The following DOCK11 variants were observed in gnomAD, a reference collection of about 807,000 sequenced individuals.
The protein encoded by DOCK11 is dedicator of cytokinesis protein 11.
A neutral mutation model predicts 169.1 loss-of-function variants in DOCK11; 70 were observed. The ratio of observed to expected loss-of-function variants is 0.41; its 90% CI spans 0.34 to 0.51. DOCK11 has a LOEUF of 0.51. DOCK11 is among the 20% of genes least tolerant of loss of function. DOCK11 has a pLI of 0.10. For missense variants in DOCK11, 1,166 were observed against 1,538.8 expected (o/e 0.76, Z 4.05); for synonymous variants, 529 against 541.3 (o/e 0.98, Z 0.32).
chrX:118,513,122 C>G (rs1322156681), intron 1 of DOCK11, among the ~76,000 whole-genome samples: 2 of 111,868 alleles, frequency 1.8e-5, no homozygotes, highest in African/African-American at 3.2e-5. Flanking sequence ...GCCCTGGGAA[C>G]CATTGTTTGA....
chrX:118,598,174 T>C, intron 22 of DOCK11, 58 bp downstream of exon 22: 1 of 889,148 alleles, frequency 1.1e-6, no homozygotes, highest in Non-Finnish European at 1.6e-6. Flanking sequence ...TTGATTAAAA[T>C]AGACCACATT....
At chrX:118,630,270 T>A (rs1603135341) in intron 34 of DOCK11, 109 bp from the exon 35 acceptor site, 2 of 469,041 alleles carry the variant, frequency 4.3e-6, no homozygotes, top group East Asian at 6.8e-5. Context: ...AAATTTAGAT[T>A]TATGTTTAGA....
chrX:118,653,214 T>C (rs1392149698), intron 42 of DOCK11, among the ~76,000 whole-genome samples: 1 of 111,902 alleles, frequency 8.9e-6, no homozygotes, highest in Non-Finnish European at 1.9e-5. Flanking sequence ...GGAAATCTTT[T>C]TCTTTTCCAT....
At position 118,608,241 on chromosome X, in the gene DOCK11, G is replaced by A; in HGVS notation, c.2762G>A (p.Arg921Gln). The A allele has an allele frequency of 8.3e-7, 1 of 1,204,272 alleles. No individual in the cohort carries two copies. The highest frequency in any genetic ancestry group is 1.8e-5 in the South Asian group (1 of 55,818). Residue 921 changes from arginine (R) to glutamine (Q), a missense_variant, in exon 26 of 53, where the codon CGA (arginine) becomes CAA (glutamine). Coordinates refer to ENST00000276202, the MANE Select transcript of DOCK11 (RefSeq NM_144658.4). ...TTTGTTTATTTGTAGTATAGCTTCC[G>A]ACCTGAAAAACCGAGTGCTCCTCAG... is the stretch of plus-strand genomic sequence containing the variant. ...YLRSFIKYSF[R>Q]PEKPSAPQAQ... is the part of the protein sequence containing the mutation.
intron 21 of DOCK11, 46 bp from the exon 22 acceptor site, chrX:118,597,984 C>A: frequency 5.2e-6 from 5 of 970,806 alleles, no homozygotes; most frequent in Non-Finnish European, 7.1e-6. Context: ...ATATGTTATT[C>A]ATCTATCCAT....
intron 7 of DOCK11, among the ~76,000 whole-genome samples, chrX:118,564,077 C>T (rs2012996723): frequency 9.0e-6 from 1 of 111,477 alleles, no homozygotes; most frequent in East Asian, 2.8e-4. Flanking sequence ...AAGGTTTTGC[C>T]GGGAATCCTT....
chrX:118,684,521 G>A (rs1006159028), intron 52 of DOCK11, among the ~76,000 whole-genome samples: 11 of 109,668 alleles, frequency 1.0e-4, no homozygotes, highest in African/African-American at 3.6e-4. Flanking sequence ...TAATCCACCC[G>A]CCTCGGCCTC....
At chrX:118,625,930 G>A (rs1603130950) in intron 32 of DOCK11, among the ~76,000 whole-genome samples, 1 of 110,840 alleles carries the variant, frequency 9.0e-6, no homozygotes, top group Admixed American at 9.6e-5. Flanking sequence ...CTATCCACTG[G>A]TCTTACTTTT....
intron 1 of DOCK11, among the ~76,000 whole-genome samples, chrX:118,504,938 C>G (rs1170603197): frequency 8.9e-6 from 1 of 112,697 alleles, no homozygotes; most frequent in African/African-American, 3.2e-5. Context: ...CAGAGTTCAG[C>G]CCTAGATGAC....
chrX:118,613,999 G>A (rs1012552822), intron 28 of DOCK11, among the ~76,000 whole-genome samples: 5 of 111,933 alleles, frequency 4.5e-5, no homozygotes, highest in African/African-American at 1.6e-4. Flanking sequence ...AAGCTTTGGG[G>A]CAGGAAAATG....
chrX:118,496,177 GCTGT>G, intron 1 of DOCK11, 104 bp downstream of exon 1: 4 of 552,933 alleles, frequency 7.2e-6, no homozygotes, highest in East Asian at 6.1e-5. Flanking sequence ...TGCGCCGCGC[GCTGT>G]CTTTCTCCGC....
chrX:118,598,796 CTTTATTA>C (rs2014248115), intron 22 of DOCK11, among the ~76,000 whole-genome samples: 1 of 112,210 alleles, frequency 8.9e-6, no homozygotes, highest in Admixed American at 9.5e-5. Flanking sequence ...CAGTTCACAT[CTTTATTA>C]TTTATTTATC....
At chrX:118,646,073 A>C (rs1184664680) in intron 40 of DOCK11, among the ~76,000 whole-genome samples, 1 of 103,989 alleles carries the variant, frequency 9.6e-6, no homozygotes, top group Non-Finnish European at 2.0e-5. Flanking sequence ...AAAAAAAAAA[A>C]AAACACAACA....
chrX:118,506,391 C>T (rs1397147021), intron 1 of DOCK11, among the ~76,000 whole-genome samples: 4 of 112,081 alleles, frequency 3.6e-5, no homozygotes, highest in Middle Eastern at 4.7e-3. Context: ...TGGGGCTGAG[C>T]GCGGTGGCTC....
chrX:118,608,984 A>T (rs1333617837), intron 26 of DOCK11, among the ~76,000 whole-genome samples: 8 of 111,738 alleles, frequency 7.2e-5, no homozygotes, highest in Non-Finnish European at 1.5e-4. Flanking sequence ...ATAAACTAGA[A>T]GTTAGTTTGC....
intron 14 of DOCK11, among the ~76,000 whole-genome samples, chrX:118,581,975 T>C (rs1045982454): frequency 6.4e-5 from 7 of 108,690 alleles, no homozygotes; most frequent in Non-Finnish European, 1.3e-4. Context: ...GCTAAAAATA[T>C]AAAAATTAGC....
In DOCK11 at chrX:118,573,992, G is replaced by A. The variant is rs142215637; in HGVS notation, c.1363G>A (p.Glu455Lys). The A allele has an allele frequency of 5.8e-5, 70 of 1,210,026 alleles. 1 individual carries two copies. In the South Asian group the frequency reaches 7.7e-4, roughly 13 times the overall value. Residue 455 changes from glutamate (E) to lysine (K), a missense_variant, in exon 12 of 53, where the codon GAA (glutamate) becomes AAA (lysine). Glu to Lys is a moderately conservative substitution (Grantham distance 56). Coordinates refer to ENST00000276202, the MANE Select transcript of DOCK11 (RefSeq NM_144658.4). ...CGAATCTTACATTCATGGAATTGCC[G>A]AATCTCAGTTACGCTACATACAACA... ...SPESYIHGIA[E>K]SQLRYIQQGI...
intron 16 of DOCK11, among the ~76,000 whole-genome samples, chrX:118,587,806 G>T (rs754380037): frequency 1.8e-5 from 2 of 111,999 alleles, no homozygotes; most frequent in South Asian, 7.4e-4. Flanking sequence ...CTAAATTGCT[G>T]CCACAGGAGG....
At chrX:118,660,613 C>G (rs775342105) in intron 44 of DOCK11, among the ~76,000 whole-genome samples, 1 of 109,162 alleles carries the variant, frequency 9.2e-6, no homozygotes, top group Admixed American at 9.8e-5. Flanking sequence ...TACAGGCACC[C>G]GCCACCACGC....
Sources: allele counts gnomAD v4.1 joint callset (sites outside exome capture counted in the v4.1 genomes callset), GRCh38; gene constraint gnomAD v4.1.1; transcripts MANE v1.5; gene names NCBI Gene and HGNC (gene_info 2026-07-23, HGNC 2026-07-21).